Variants in GREB1L observed in about 807,000 individuals in gnomAD.
The protein encoded by GREB1L is GREB1-like protein.
A neutral mutation model predicts 200.8 loss-of-function variants in GREB1L; 17 were observed. That is an observed-to-expected ratio of 0.08 (90% CI 0.06 to 0.13). GREB1L has a LOEUF of 0.13. Ranked by LOEUF, GREB1L falls within the 10% of genes least tolerant of loss-of-function variation. The probability of loss-of-function intolerance (pLI) is 1.00; values close to 1 mark genes in which losing one functional copy is unlikely to be tolerated. For missense variants in GREB1L, 1,657 were observed against 2,367.7 expected (o/e 0.70, Z 6.23); for synonymous variants, 789 against 893.0 (o/e 0.88, Z 2.08).
At chr18:21,474,810 C>T (rs2035620580) in intron 16 of GREB1L, among the ~76,000 whole-genome samples, 1 of 152,192 alleles carries the variant, frequency 6.6e-6, no homozygotes, top group Admixed American at 6.5e-5. Flanking sequence ...CATTTTCCCC[C>T]ATTGTCTTGG....
At chr18:21,455,357 C>A (rs932094169) in intron 15 of GREB1L, among the ~76,000 whole-genome samples, 2 of 151,624 alleles carry the variant, frequency 1.3e-5, no homozygotes, top group African/African-American at 4.8e-5. Flanking sequence ...GATTTTAGAT[C>A]TGGAAGATGA....
In GREB1L at chr18:21,496,707, T is replaced by C. The variant is rs1442825582; in HGVS notation, c.3391+9T>C. ...TGTCACAGGGACCTCGGGTCAGTAC[T>C]TTCTTTTCTCTTTCATGGAGTGAGA... On this transcript the variant is annotated intron_variant, in intron 21 of 32. Transcript: ENST00000424526. 3.9e-6 allele frequency: 6 copies of C among 1,550,138 alleles called. No individual in the cohort carries two copies. The highest frequency in any genetic ancestry group is 1.4e-5 in the African/African-American group (1 of 72,984).
intron 1 of GREB1L, among the ~76,000 whole-genome samples, chr18:21,338,653 T>G (rs1477491620): frequency 6.6e-6 from 1 of 152,228 alleles, no homozygotes; most frequent in African/African-American, 2.4e-5. Flanking sequence ...TGATCACTTG[T>G]TTCTCCATGC....
intron 2 of GREB1L, among the ~76,000 whole-genome samples, chr18:21,375,434 G>A (rs575918364): frequency 6.6e-6 from 1 of 152,242 alleles, no homozygotes; most frequent in Admixed American, 6.5e-5. Flanking sequence ...ATTTGGCTTT[G>A]TGACTCTTAG....
intron 7 of GREB1L, among the ~76,000 whole-genome samples, chr18:21,420,197 C>G (rs972778709): frequency 6.6e-6 from 1 of 151,850 alleles, no homozygotes; most frequent in Non-Finnish European, 1.5e-5. Flanking sequence ...ATAGTGAAAC[C>G]CCATCTCTAC....
At chr18:21,420,072 G>A (rs931126381) in intron 7 of GREB1L, among the ~76,000 whole-genome samples, 2 of 152,024 alleles carry the variant, frequency 1.3e-5, no homozygotes, top group Admixed American at 1.3e-4. Flanking sequence ...CTTCAAATGA[G>A]AATGAAAAGA....
chr18:21,264,784 A>T (rs1467776231), intron 1 of GREB1L, among the ~76,000 whole-genome samples: 1 of 151,964 alleles, frequency 6.6e-6, no homozygotes, highest in African/African-American at 2.4e-5. Flanking sequence ...ATGCCTGGAA[A>T]GTTTACACTG....
chr18:21,399,579 G>A (rs2041232967), intron 5 of GREB1L, among the ~76,000 whole-genome samples: 2 of 151,932 alleles, frequency 1.3e-5, no homozygotes, highest in South Asian at 2.1e-4. Flanking sequence ...TGGCGGGGAG[G>A]GGCTACTGCT....
intron 7 of GREB1L, among the ~76,000 whole-genome samples, chr18:21,424,283 T>C (rs1465756585): frequency 6.6e-6 from 1 of 152,198 alleles, no homozygotes; most frequent in African/African-American, 2.4e-5. Context: ...AAGTAACAAC[T>C]TTGGCCAGGT....
chr18:21,459,103 A>G (rs555031957), intron 15 of GREB1L, among the ~76,000 whole-genome samples: 2 of 152,084 alleles, frequency 1.3e-5, no homozygotes, highest in South Asian at 4.1e-4. Context: ...CACAAATCTG[A>G]TACTTTAACA....
chr18:21,376,145 G>GT (rs1164883580), intron 2 of GREB1L, among the ~76,000 whole-genome samples: 2 of 151,912 alleles, frequency 1.3e-5, no homozygotes, highest in African/African-American at 2.4e-5. Context: ...TTGAGATGGA[G>GT]TTTTGCTCTT....
At chr18:21,435,616 C>A (rs2033485652) in intron 7 of GREB1L, among the ~76,000 whole-genome samples, 2 of 151,956 alleles carry the variant, frequency 1.3e-5, no homozygotes, top group African/African-American at 4.8e-5. Flanking sequence ...CAGGGAACAG[C>A]AGAAACAATG....
chr18:21,323,618 G>T (rs867288680), intron 1 of GREB1L, among the ~76,000 whole-genome samples: 11 of 152,102 alleles, frequency 7.2e-5, no homozygotes, highest in Non-Finnish European at 1.5e-4. Context: ...AGTACCTGTG[G>T]CTACTCCAAA....
intron 2 of GREB1L, among the ~76,000 whole-genome samples, chr18:21,382,080 C>G (rs1483511494): frequency 6.6e-6 from 1 of 152,168 alleles, no homozygotes; most frequent in Non-Finnish European, 1.5e-5. Flanking sequence ...TGTGGTGGCT[C>G]ATGCCTATAA....
At chr18:21,381,841 C>T (rs9960789) in intron 2 of GREB1L, among the ~76,000 whole-genome samples, 1 of 152,096 alleles carries the variant, frequency 6.6e-6, no homozygotes, top group African/African-American at 2.4e-5. Context: ...AGGTCTTTTG[C>T]CCTTTTGATT....
rs765822227 is a variant in GREB1L at position 21,444,186 on chromosome 18, A to G, written c.1208-38A>G. 2.8e-6 allele frequency: 4 copies of G among 1,440,608 alleles called. No individual in the cohort carries two copies. In the South Asian group the frequency reaches 5.3e-5, roughly 19 times the overall value. 89.2% of individuals were successfully genotyped at this position (1,440,608 alleles called of 1,614,324 possible). ...GTGTACCTGGTTGGACCATAAAAAG[A>G]AATGTTGAACTGTACTGACCTGCTT... On this transcript the variant is annotated intron_variant, in intron 10 of 32. Coordinates refer to ENST00000424526, the MANE Select transcript of GREB1L (RefSeq NM_001142966.3).
chr18:21,391,607 A>T (rs1367916823), intron 4 of GREB1L, among the ~76,000 whole-genome samples: 2 of 152,192 alleles, frequency 1.3e-5, no homozygotes, highest in Admixed American at 6.5e-5. Context: ...CCACTTTCTT[A>T]GTCTCTTGGG....
chr18:21,461,328 C>T (rs1346514656), intron 15 of GREB1L, among the ~76,000 whole-genome samples: 3 of 152,134 alleles, frequency 2.0e-5, no homozygotes, highest in East Asian at 1.9e-4. Flanking sequence ...TCTGGGGTCT[C>T]GTTCCATCAG....
chr18:21,508,702 T>G, intron 27 of GREB1L, 111 bp downstream of exon 27: 1 of 460,392 alleles, frequency 2.2e-6, no homozygotes, highest in Non-Finnish European at 3.9e-6. Context: ...CCTGCCCTCC[T>G]CACCACTCTT....
Sources: gnomAD v4.1 joint callset for allele counts (sites outside exome capture counted in the v4.1 genomes callset) on GRCh38, gnomAD v4.1.1 for gene constraint, MANE v1.5 for transcripts, NCBI Gene and HGNC (gene_info 2026-07-23, HGNC 2026-07-21) for gene names.